The following RABEP2 variants were observed in gnomAD, a reference collection of about 807,000 sequenced individuals.
RABEP2 encodes rab GTPase-binding effector protein 2.
Under a neutral mutation model 74.1 loss-of-function variants are expected in RABEP2, and 57 were observed. That is an observed-to-expected ratio of 0.77 (90% confidence interval 0.62 to 0.96). The LOEUF (loss-of-function observed/expected upper bound fraction) is 0.96. RABEP2 is among the 40% of genes least tolerant of loss of function. RABEP2 has a pLI of 0.00. For synonymous variants in RABEP2, 351 were observed against 344.0 expected, an observed-to-expected ratio of 1.02 and a Z score of -0.23; for missense variants, 692 against 756.3, an observed-to-expected ratio of 0.91 and a Z score of 1.00.
At chr16:28,913,539 T>C (rs577954130) in intron 5 of RABEP2, among the ~76,000 whole-genome samples, 1 of 152,114 alleles carries the variant, frequency 6.6e-6, no homozygotes, top group East Asian at 1.9e-4. Context: ...TGGAGTGCAG[T>C]GGTTTGATCT....
intron 2 of RABEP2, among the ~76,000 whole-genome samples, chr16:28,922,462 C>T (rs566883046): frequency 6.6e-6 from 1 of 152,220 alleles, no homozygotes; most frequent in South Asian, 2.1e-4. Flanking sequence ...TGGGTCACCC[C>T]TCTAATCCCA....
chr16:28,919,496 A>G (rs140529770), intron 3 of RABEP2, among the ~76,000 whole-genome samples: 46 of 152,350 alleles, frequency 3.0e-4, no homozygotes, highest in Non-Finnish European at 5.0e-4. Flanking sequence ...CCAGAAGTCA[A>G]TATTTAATAA....
At position 28,923,851 on chromosome 16, in the gene RABEP2, CAG is replaced by C. The variant is rs561318207; in HGVS notation, c.274+550_274+551del. Among the ~76,000 whole-genome samples the C allele has an allele frequency of 1.2e-3, 177 of 152,264 alleles. 2 individuals are homozygous for C. Among genetic ancestry groups the C allele is most frequent in the African/African-American group, 4.1e-3 (171 of 41,540 alleles). ...GCGGGGGCAGCTCTGACATCTGTTT[CAG>C]AGTCTCTGGCTTCTGCTAGAGGAAG... On this transcript the variant is annotated intron_variant, in intron 2 of 12. Transcript: ENST00000358201.
Position 28,912,402 on chromosome 16 carries a change from CTTTCT to C in RABEP2, c.895-1228_895-1224del, listed in dbSNP as rs1213716320. Among the ~76,000 whole-genome samples the C allele has an allele frequency of 3.6e-3, 450 of 125,874 alleles. 3 individuals are homozygous for C. Among genetic ancestry groups the C allele is most frequent in the African/African-American group, 0.011 (401 of 35,630 alleles). 82.6% of individuals were successfully genotyped at this position (125,874 alleles called of 152,430 possible). ...ACACAGCCCCAAGTAAGCTTTCTTT[CTTTCT>C]TTTTTTTTTTTTTTTTTTTGAGATG... is the stretch of plus-strand genomic sequence containing the variant. On this transcript the variant is annotated intron_variant, in intron 5 of 12. Transcript: ENST00000358201.
In RABEP2 at chr16:28,905,861, A is replaced by T. The variant is rs1198389963; in HGVS notation, c.1435+6T>A. 1 of 1,613,458 alleles carries T rather than the reference A, an allele frequency of 6.2e-7. No homozygotes were observed. Among genetic ancestry groups the T allele is most frequent in the Admixed American group, 1.7e-5 (1 of 60,004 alleles). On this transcript the variant is annotated splice_donor_region_variant and intron_variant, in intron 10 of 12. Coordinates refer to ENST00000358201, the MANE Select transcript of RABEP2 (RefSeq NM_024816.3). Reference sequence around the variant, plus strand: ...ATCCCCAAGATCACCTCCAGCACACACTCACCCTCCAGCACCTCTGTGGGA... The same window carrying T: ...ATCCCCAAGATCACCTCCAGCACACTCTCACCCTCCAGCACCTCTGTGGGA...
chr16:28,922,506 G>A (rs1964480160), intron 2 of RABEP2, among the ~76,000 whole-genome samples: 1 of 152,056 alleles, frequency 6.6e-6, no homozygotes, highest in Non-Finnish European at 1.5e-5. Context: ...CAGATCACGA[G>A]GTCAGGAGAT....
At position 28,904,892 on chromosome 16, in the gene RABEP2, G is replaced by C; in HGVS notation, c.*51C>G. 7.3e-7 allele frequency: 1 copy of C among 1,375,934 alleles called. No homozygotes were observed. The highest frequency in any genetic ancestry group is 1.0e-6 in the Non-Finnish European group (1 of 974,918). The allele number at this position is 1,375,934 out of a possible 1,614,324, so 85.2% of individuals were successfully genotyped here. On this transcript the variant is annotated 3_prime_UTR_variant, in exon 13 of 13. Coordinates refer to ENST00000358201, the MANE Select transcript of RABEP2 (RefSeq NM_024816.3). ...CCCAGAGCGAGGCCTCATGGTTCAG[G>C]AGTGGGGAAAGGCGTCTTTCCCAGG...
chr16:28,907,041 A>G (rs1263740253), intron 8 of RABEP2, among the ~76,000 whole-genome samples: 5 of 152,294 alleles, frequency 3.3e-5, no homozygotes, highest in Admixed American at 1.3e-4. Flanking sequence ...ACATGTAATG[A>G]AAACACCGAA....
intron 5 of RABEP2, among the ~76,000 whole-genome samples, chr16:28,912,086 A>T (rs917163590): frequency 1.3e-5 from 2 of 151,850 alleles, no homozygotes; most frequent in African/African-American, 4.8e-5. Flanking sequence ...CTCTACTATA[A>T]ACACAAAAAA....
chr16:28,906,182 C>T lies in RABEP2; in HGVS notation c.1260G>A (p.Leu420=), dbSNP rs373557423. ...LPSSVPELQQ[L]LCCTRQEARA... is the part of the protein sequence containing the mutation. Reference sequence around the variant, plus strand: ...TCGCCTCTTGCCGCGTGCAGCACAGCAGCTGCTGCAGCTCCTGGAAGGGAC... The same window carrying T: ...TCGCCTCTTGCCGCGTGCAGCACAGTAGCTGCTGCAGCTCCTGGAAGGGAC... The change falls in exon 9 of 13, where the codon CTG becomes CTA. Residue 420 remains leucine (L), a synonymous_variant. Transcript: ENST00000358201. 1.9e-6 allele frequency: 3 copies of T among 1,588,078 alleles called. No individual in the cohort carries two copies. Among genetic ancestry groups the T allele is most frequent in the Non-Finnish European group, 2.6e-6 (3 of 1,173,664 alleles).
At chr16:28,925,022 C>T in intron 1 of RABEP2, 81 bp downstream of exon 1, 1 of 1,432,070 alleles carries the variant, frequency 7.0e-7, no homozygotes, top group Non-Finnish European at 9.5e-7. Flanking sequence ...CATCCCTCTC[C>T]ACCCCCCATC....
chr16:28,919,238 C>T (rs570472841), intron 3 of RABEP2, among the ~76,000 whole-genome samples: 25 of 152,126 alleles, frequency 1.6e-4, no homozygotes, highest in Non-Finnish European at 3.4e-4. Context: ...TCACAGCAGC[C>T]TCTGCCTCCT....
chr16:28,915,383 A>T (rs896524269), intron 3 of RABEP2, among the ~76,000 whole-genome samples: 1 of 151,314 alleles, frequency 6.6e-6, no homozygotes, highest in African/African-American at 2.4e-5. Flanking sequence ...TGGCCAGCAC[A>T]CTTCACATTG....
chr16:28,921,714 C>T (rs1964470289), intron 2 of RABEP2, among the ~76,000 whole-genome samples: 1 of 147,918 alleles, frequency 6.8e-6, no homozygotes, highest in Admixed American at 6.8e-5. Context: ...ACCTGTAATC[C>T]CAGCACTTTG....
At chr16:28,907,165 T>TG (rs1378825152) in intron 8 of RABEP2, among the ~76,000 whole-genome samples, 2 of 147,442 alleles carry the variant, frequency 1.4e-5, no homozygotes, top group Non-Finnish European at 3.0e-5. Flanking sequence ...TGCCTTTGTT[T>TG]TTTTTTTTTT....
chr16:28,914,895 G>A (rs1964368132), intron 3 of RABEP2, 113 bp from the exon 4 acceptor site: 12 of 848,504 alleles, frequency 1.4e-5, no homozygotes, highest in Admixed American at 7.6e-5. Context: ...TCCCTAGAAG[G>A]TGCTGTCCAC....
intron 5 of RABEP2, among the ~76,000 whole-genome samples, chr16:28,911,733 G>A (rs374576389): frequency 2.6e-5 from 4 of 151,776 alleles, no homozygotes; most frequent in African/African-American, 9.7e-5. Flanking sequence ...TGAGGTGGGT[G>A]GTCAGGAGTT....
At position 28,921,052 on chromosome 16, in the gene RABEP2, C is replaced by CG. The variant is rs1964463076; in HGVS notation, c.275-1110dup. The CG allele has an allele frequency of 2.0e-5, 8 of 398,006 alleles. 1 individual carries two copies. Among genetic ancestry groups the CG allele is most frequent in the Admixed American group, 8.5e-5 (3 of 35,298 alleles). The allele number at this position is 398,006 out of a possible 1,614,324, so 24.7% of individuals were successfully genotyped here. A position where few individuals can be genotyped will look rare whatever the true frequency, so the allele number is the denominator to read the frequency against. ...CTAATTTTTGTATTTTTTGTAGAGA[C>CG]GGGGTCTCACCATGTTGCCCAGGCT... is the stretch of plus-strand genomic sequence containing the variant. On this transcript the variant is annotated intron_variant, in intron 2 of 12. Transcript: ENST00000358201.
At chr16:28,907,836 G>A (rs1964255912) in intron 8 of RABEP2, among the ~76,000 whole-genome samples, 2 of 151,876 alleles carry the variant, frequency 1.3e-5, no homozygotes, top group Middle Eastern at 3.4e-3. Flanking sequence ...AGTTTCACTC[G>A]TTACCCAGGC....
Sources: gnomAD v4.1 joint callset for allele counts (sites outside exome capture counted in the v4.1 genomes callset) on GRCh38, gnomAD v4.1.1 for gene constraint, MANE v1.5 for transcripts, NCBI Gene and HGNC (gene_info 2026-07-23, HGNC 2026-07-21) for gene names.